UST: variants seen among roughly 807,000 people sequenced by gnomAD.
UST encodes the protein chondroitin sulfate 2-O-sulfotransferase.
UST carries 21 observed loss-of-function variants against 45.6 expected under a neutral mutation model. The ratio of observed to expected loss-of-function variants is 0.46; its 90% CI spans 0.33 to 0.66. The LOEUF (loss-of-function observed/expected upper bound fraction) is 0.66. Among genes scored for constraint, UST ranks in the 30% least tolerant of loss-of-function variants. The pLI, the probability that UST is intolerant of heterozygous loss-of-function variation, is 0.02. For synonymous variants in UST, 215 were observed against 200.6 expected, an observed-to-expected ratio of 1.07 and a Z score of -0.61; for missense variants, 463 against 512.4, an observed-to-expected ratio of 0.90 and a Z score of 0.93.
chr6:148,878,321 G>T (rs66492372), intron 1 of UST, among the ~76,000 whole-genome samples: 948 of 80,796 alleles, frequency 0.012, 52 homozygotes, highest in African/African-American at 0.034. Flanking sequence ...TATGAGTGCG[G>T]GGATCGTGTA....
intron 1 of UST, among the ~76,000 whole-genome samples, chr6:148,758,354 A>C (rs981815512): frequency 6.6e-6 from 1 of 152,112 alleles, no homozygotes; most frequent in Non-Finnish European, 1.5e-5. Context: ...CATTTTTTGC[A>C]CAGCCTGATT....
chr6:148,838,786 G>T (rs77434497), intron 1 of UST, among the ~76,000 whole-genome samples: 3,171 of 151,924 alleles, frequency 0.021, 101 homozygotes, highest in African/African-American at 0.062. Context: ...GGAGAGTGAA[G>T]AATCACAGAG....
intron 2 of UST, among the ~76,000 whole-genome samples, chr6:148,905,927 G>A (rs1215377737): frequency 1.3e-5 from 2 of 152,176 alleles, no homozygotes; most frequent in Non-Finnish European, 2.9e-5. Context: ...TTACCGGTAT[G>A]CATATATTGT....
intron 2 of UST, among the ~76,000 whole-genome samples, chr6:148,891,180 C>T (rs573321668): frequency 6.6e-6 from 1 of 152,124 alleles, no homozygotes; most frequent in Non-Finnish European, 1.5e-5. Context: ...GCTTCAGTGC[C>T]GTGGCCTCTG....
intron 3 of UST, among the ~76,000 whole-genome samples, chr6:148,945,243 G>T (rs1582913417): frequency 6.6e-6 from 1 of 152,266 alleles, no homozygotes; most frequent in South Asian, 2.1e-4. Flanking sequence ...CCTGTTTTAT[G>T]GGTGAGACAC....
In UST at chr6:149,021,426, G is replaced by A; in HGVS notation, c.882G>A (p.Leu294=). 6.2e-7 allele frequency: 1 copy of A among 1,614,144 alleles called. No individual in the cohort carries two copies. Among genetic ancestry groups the A allele is most frequent in the South Asian group, 1.1e-5 (1 of 91,072 alleles). ...AGTTGGAAGATGTGCTGCTGTTACT[G>A]GAAAGATTTTTACCTCATTACTTCA... is the stretch of plus-strand genomic sequence containing the variant. ...LEELEDVLLL[L]ERFLPHYFKG... is the part of the protein sequence containing the mutation. Residue 294 remains leucine (L), a synonymous_variant, in exon 7 of 8, where the codon CTG becomes CTA. Coordinates refer to ENST00000367463, the MANE Select transcript of UST (RefSeq NM_005715.3).
In UST at chr6:148,965,356, CCTGGTCTCTGTGT is replaced by C. The variant is rs373673267; in HGVS notation, c.681+797_681+809del. ...AGCCTGGTGCCCAGGAGGCTGAAATCCTGGTCTCTGTGTCTGAGAGAGCCCTTGGGGTTCACCC... is the reference window on the plus strand; with the variant it reads ...AGCCTGGTGCCCAGGAGGCTGAAATCCTGAGAGAGCCCTTGGGGTTCACCC... On this transcript the variant is annotated intron_variant, in intron 5 of 7. Coordinates refer to ENST00000367463, the MANE Select transcript of UST (RefSeq NM_005715.3). Among the ~76,000 whole-genome samples, 1,093 of 152,298 alleles carry C rather than the reference CCTGGTCTCTGTGT, an allele frequency of 7.2e-3. 13 individuals carry two copies. The highest frequency in any genetic ancestry group is 0.025 in the African/African-American group (1,050 of 41,566).
Position 149,046,512 on chromosome 6 carries a change from A to G in UST, c.937+25031A>G, listed in dbSNP as rs560271086. On this transcript the variant is annotated intron_variant, in intron 7 of 7. Transcript: ENST00000367463. ...TGAAAATGGTATAGTACATAGGTCA[A>G]TCATGGTCTTTGCAGTCAGTAGACA... Among the ~76,000 whole-genome samples, 7 of 152,346 alleles carry G rather than the reference A, an allele frequency of 4.6e-5. No individual in the cohort carries two copies. In the South Asian group the frequency reaches 1.0e-3, roughly 23 times the overall value.
chr6:148,925,964 G>GT (rs1779806976), intron 2 of UST, among the ~76,000 whole-genome samples: 2 of 152,326 alleles, frequency 1.3e-5, no homozygotes, highest in South Asian at 4.1e-4. Context: ...AAAAACTACA[G>GT]TGAGTTCCTT....
At chr6:149,022,600 C>CA (rs1439607716) in intron 7 of UST, among the ~76,000 whole-genome samples, 3 of 151,426 alleles carry the variant, frequency 2.0e-5, no homozygotes, top group Non-Finnish European at 2.9e-5. Flanking sequence ...AACTTCATCT[C>CA]AAAAAAAAGA....
intron 2 of UST, among the ~76,000 whole-genome samples, chr6:148,940,734 TCTCATTGCG>T (rs1780110113): frequency 6.6e-6 from 1 of 152,240 alleles, no homozygotes. Context: ...TGAAGTGGTA[TCTCATTGCG>T]ATTTTGATTT....
intron 1 of UST, among the ~76,000 whole-genome samples, chr6:148,819,272 A>G (rs1416547321): frequency 6.6e-6 from 1 of 152,190 alleles, no homozygotes; most frequent in Non-Finnish European, 1.5e-5. Flanking sequence ...TTAAAAAAAA[A>G]CAAAAACAAA....
chr6:149,043,015 C>CTTTCTTCTTTCTTTCTT (rs1776343496), intron 7 of UST, among the ~76,000 whole-genome samples: 4 of 119,724 alleles, frequency 3.3e-5, no homozygotes, highest in African/African-American at 1.1e-4. Flanking sequence ...TTCTTTCTTT[C>CTTTCTTCTTTCTTTCTT]TTTCTTTTTC....
chr6:148,898,783 G>A (rs375959931), intron 2 of UST, among the ~76,000 whole-genome samples: 8 of 152,198 alleles, frequency 5.3e-5, no homozygotes, highest in East Asian at 1.9e-4. Flanking sequence ...CCAATCCCCA[G>A]GGGCCAGTTA....
chr6:148,836,805 T>C (rs1228598729), intron 1 of UST, among the ~76,000 whole-genome samples: 2 of 152,162 alleles, frequency 1.3e-5, no homozygotes, highest in Non-Finnish European at 2.9e-5. Context: ...GGTGACCTCC[T>C]GGGGAGCCAA....
intron 7 of UST, among the ~76,000 whole-genome samples, chr6:149,037,907 G>T (rs1017853845): frequency 6.6e-6 from 1 of 152,192 alleles, no homozygotes; most frequent in Non-Finnish European, 1.5e-5. Context: ...AAGGTAGAAG[G>T]CCAGCCAGTG....
At chr6:148,966,125 GA>G in intron 5 of UST, among the ~76,000 whole-genome samples, 1 of 151,982 alleles carries the variant, frequency 6.6e-6, no homozygotes, top group East Asian at 1.9e-4. Context: ...TTGGGAGGCT[GA>G]GGCAGGAGAA....
rs1319131286 is a variant in UST at position 149,076,256 on chromosome 6, GT to G, written c.*2141del. On this transcript the variant is annotated 3_prime_UTR_variant, in exon 8 of 8. Transcript: ENST00000367463. ...AAACCAGTACAAGAACTGCTGCCTG[GT>G]ACCCTGTGAGTCATTTCTATGAAAT... The G allele has an allele frequency of 2.0e-5, 3 of 152,302 alleles. No homozygotes were observed. The East Asian group carries it at 5.8e-4, about 29-fold the overall frequency. The allele number at this position is 152,302 out of a possible 1,614,324, so 9.4% of individuals were successfully genotyped here.
At chr6:149,058,909 A>C (rs1298576511) in intron 7 of UST, among the ~76,000 whole-genome samples, 1 of 152,198 alleles carries the variant, frequency 6.6e-6, no homozygotes. Context: ...CACACGTAGC[A>C]CATACTTTCA....
Sources: allele counts gnomAD v4.1 joint callset (sites outside exome capture counted in the v4.1 genomes callset), GRCh38; gene constraint gnomAD v4.1.1; transcripts MANE v1.5; gene names NCBI Gene and HGNC (gene_info 2026-07-23, HGNC 2026-07-21).